HMCN2: variants seen among roughly 807,000 people sequenced by gnomAD.
The protein encoded by HMCN2 is hemicentin-2.
Under a neutral mutation model 377.5 loss-of-function variants are expected in HMCN2, and 325 were observed. That is an observed-to-expected ratio of 0.86 (90% CI 0.79 to 0.94). The LOEUF is 0.94. Among genes scored for constraint, HMCN2 ranks in the 40% least tolerant of loss-of-function variants. The pLI is 0.00. For missense variants in HMCN2, 4,543 were observed against 4,725.3 expected, an observed-to-expected ratio of 0.96 and a Z score of 1.13; for synonymous variants, 2,007 against 2,046.8, an observed-to-expected ratio of 0.98 and a Z score of 0.53.
At chr9:130,290,704 C>A (rs1376122827) in intron 4 of HMCN2, among the ~76,000 whole-genome samples, 1 of 152,088 alleles carries the variant, frequency 6.6e-6, no homozygotes, top group Non-Finnish European at 1.5e-5. Flanking sequence ...CAGGTGGGAC[C>A]TTTTCAAGAG....
rs909624560 is a variant in HMCN2 at position 130,369,390 on chromosome 9, G to A, written c.6788-180G>A. Among the ~76,000 whole-genome samples the A allele has an allele frequency of 2.6e-5, 4 of 152,236 alleles. No homozygotes were observed. The highest frequency in any genetic ancestry group is 9.6e-5 in the African/African-American group (4 of 41,458). On this transcript the variant is annotated intron_variant, in intron 44 of 97. Coordinates refer to ENST00000683500, the MANE Select transcript of HMCN2 (RefSeq NM_001291815.2). This position sits in a 1 kb window ranked among gnomAD's most constrained non-coding sequence, Gnocchi z 4.5. The stretch of plus-strand genomic sequence containing the variant: ...GCCTGCCTGTGACTCCCAGGCTGTA[G>A]TAGCAGTAGGGTGCTGTTATGACCC...
chr9:130,328,362 C>T (rs924404269), intron 22 of HMCN2, among the ~76,000 whole-genome samples: 16 of 152,124 alleles, frequency 1.1e-4, no homozygotes, highest in Admixed American at 2.6e-4. Flanking sequence ...CTAGAAAGCC[C>T]GGTCCTAGCT....
chr9:130,387,481 C>T (rs1241287438), intron 61 of HMCN2, among the ~76,000 whole-genome samples: 2 of 152,088 alleles, frequency 1.3e-5, no homozygotes, highest in Admixed American at 1.3e-4. Context: ...GTGTCCTGGC[C>T]CACAGGAAGC....
In HMCN2 at chr9:130,379,288, C is replaced by G. The variant is rs910187523; in HGVS notation, c.8252C>G (p.Ala2751Gly). ...CAGAAGGTGGGTGATTTCAGTGCAG[C>G]CTTCGAGATCCTGTCCCGGGAGGAG... is the stretch of plus-strand genomic sequence containing the variant. ...MFQKVGDFSA[A>G]FEILSREEEA... Residue 2751 changes from alanine (A) to glycine (G), a missense_variant, in exon 54 of 98, where the codon GCC becomes GGC. Transcript: ENST00000683500. The G allele has an allele frequency of 1.0e-6, 1 of 985,746 alleles. No homozygotes were observed. Among genetic ancestry groups the G allele is most frequent in the African/African-American group, 1.7e-5 (1 of 57,288 alleles). 61.1% of individuals were successfully genotyped at this position (985,746 alleles called of 1,614,324 possible).
rs1837368102 is a variant in HMCN2, at chr9:130,313,383, GATTA to G, written c.2350+3323_2350+3326del. Reference sequence around the variant, plus strand: ...TGGACCAGCCTGCGAGGCACTGGTGGATTACCTTCCGAGCCTGGCATCTGCCAGT... The same window carrying G: ...TGGACCAGCCTGCGAGGCACTGGTGGCCTTCCGAGCCTGGCATCTGCCAGT... On this transcript the variant is annotated intron_variant, in intron 15 of 97. Transcript: ENST00000683500. Among the ~76,000 whole-genome samples the G allele has an allele frequency of 4.2e-3, 631 of 151,794 alleles. 1 individual carries two copies. Among genetic ancestry groups the G allele is most frequent in the Middle Eastern group, 6.8e-3 (2 of 294 alleles).
Position 130,357,956 on chromosome 9 carries a change from G to A in HMCN2, c.5548G>A (p.Val1850Ile). 1 of 1,304,170 alleles carries A rather than the reference G, an allele frequency of 7.7e-7. No individual in the cohort carries two copies. Among genetic ancestry groups the A allele is most frequent in the Admixed American group, 2.3e-5 (1 of 43,564 alleles). The allele number at this position is 1,304,170 out of a possible 1,614,324, so 80.8% of individuals were successfully genotyped here. A position where few individuals can be genotyped will look rare whatever the true frequency, so the allele number is the denominator to read the frequency against. ...AAGCCTCCGTTGGTGGAAGGATGGT[G>A]TAGCCCTGGCAGCCTTTGGGGGGAA... ...TPSLRWWKDG[V>I]ALAAFGGNLQ... Residue 1850 changes from valine (V) to isoleucine (I), a missense_variant, in exon 35 of 98, where the codon GTA becomes ATA. Val to Ile is a conservative substitution (Grantham distance 29). Coordinates refer to ENST00000683500, the MANE Select transcript of HMCN2 (RefSeq NM_001291815.2).
In HMCN2 at chr9:130,348,537, C is replaced by T. The variant is rs1423398242; in HGVS notation, c.4025-8C>T. The T allele has an allele frequency of 1.5e-6, 2 of 1,303,322 alleles. No homozygotes were observed. Among genetic ancestry groups the T allele is most frequent in the African/African-American group, 3.0e-5 (2 of 65,882 alleles). The allele number at this position is 1,303,322 out of a possible 1,614,324, so 80.7% of individuals were successfully genotyped here. On this transcript the variant is annotated splice_polypyrimidine_tract_variant and splice_region_variant and intron_variant, in intron 26 of 97. Coordinates refer to ENST00000683500, the MANE Select transcript of HMCN2 (RefSeq NM_001291815.2). ...GGAAGCAGCTCCTCGGCTCTCCTTG[C>T]CCCCAAGTGCCCCCCAGCATCCGGG...
chr9:130,280,412 T>C (rs1295858888), intron 1 of HMCN2, among the ~76,000 whole-genome samples: 1 of 151,576 alleles, frequency 6.6e-6, no homozygotes, highest in African/African-American at 2.4e-5. Context: ...GACCTTGTGA[T>C]CCTCCCGCCT....
At chr9:130,404,311 C>A (rs1842985517) in intron 80 of HMCN2, among the ~76,000 whole-genome samples, 1 of 152,212 alleles carries the variant, frequency 6.6e-6, no homozygotes, top group Non-Finnish European at 1.5e-5. Flanking sequence ...CAGTGGCCAT[C>A]CCCGCCCGCA....
chr9:130,326,304 A>G lies in HMCN2; in HGVS notation c.3193+334A>G, dbSNP rs1284987719. Among the ~76,000 whole-genome samples, 3 of 152,112 alleles carry G rather than the reference A, an allele frequency of 2.0e-5. No individual in the cohort carries two copies. The East Asian group carries it at 5.8e-4, about 29-fold the overall frequency. ...AGATCTCAGCTCTCCCTGTTCCCCC[A>G]GGCTGGTCAAGTCACCTTGCTGTAA... is the stretch of plus-strand genomic sequence containing the variant. On this transcript the variant is annotated intron_variant, in intron 21 of 97. Coordinates refer to ENST00000683500, the MANE Select transcript of HMCN2 (RefSeq NM_001291815.2).
At chr9:130,408,669 C>T (rs756795439) in intron 83 of HMCN2, 74 bp from the exon 84 acceptor site, 31 of 1,142,704 alleles carry the variant, frequency 2.7e-5, no homozygotes, top group Non-Finnish European at 3.4e-5. Context: ...TTGGGCAGTC[C>T]TTTGGGGTTT....
At chr9:130,270,852 A>G (rs1588148689) in intron 1 of HMCN2, among the ~76,000 whole-genome samples, 1 of 148,560 alleles carries the variant, frequency 6.7e-6, no homozygotes, top group East Asian at 1.9e-4. Context: ...CAGGGGAATT[A>G]CATACATGAG....
chr9:130,320,604 C>T (rs1232845674), intron 17 of HMCN2, among the ~76,000 whole-genome samples, 153 bp downstream of exon 17: 4 of 152,194 alleles, frequency 2.6e-5, no homozygotes, highest in Admixed American at 6.5e-5. Context: ...AAGAGCAGCA[C>T]CTGTGCCCCT....
At chr9:130,368,922 G>A (rs1210702928) in intron 44 of HMCN2, among the ~76,000 whole-genome samples, 2 of 152,082 alleles carry the variant, frequency 1.3e-5, no homozygotes, top group East Asian at 3.9e-4. Context: ...ATGAGATTTG[G>A]GTGGGGACAC....
chr9:130,330,438 T>A (rs1328189405), intron 22 of HMCN2, among the ~76,000 whole-genome samples: 1 of 152,126 alleles, frequency 6.6e-6, no homozygotes, highest in Non-Finnish European at 1.5e-5. Context: ...CCCAGTGCAC[T>A]GAGGAGGAAA....
chr9:130,328,545 G>A (rs1315188411), intron 22 of HMCN2, among the ~76,000 whole-genome samples: 1 of 151,974 alleles, frequency 6.6e-6, no homozygotes. Context: ...GTTGTGTTGT[G>A]TTCCCTCTCC....
At chr9:130,366,467 ATTTTT>A (rs71499234) in intron 43 of HMCN2, among the ~76,000 whole-genome samples, 122 of 82,980 alleles carry the variant, frequency 1.5e-3, no homozygotes, top group African/African-American at 5.0e-3. Context: ...CACTTCACCA[ATTTTT>A]TTTTTTTTTT....
rs771070062 is a variant in HMCN2 at position 130,400,946 on chromosome 9, G to A, written c.11769G>A (p.Ser3923=). 2.0e-5 allele frequency: 26 copies of A among 1,284,800 alleles called. No individual in the cohort carries two copies. Among genetic ancestry groups the A allele is most frequent in the South Asian group, 2.5e-5 (2 of 80,082 alleles). The allele number at this position is 1,284,800 out of a possible 1,614,324, so 79.6% of individuals were successfully genotyped here. The part of the protein sequence containing the change: ...ARGSGYRVSP[S]GALEIGQALP... The stretch of plus-strand genomic sequence containing the variant: ...GGAGTGGCTATCGTGTCTCACCATC[G>A]GGTAAGTAAGGGTAAGCCACAGAGA... The change falls in exon 77 of 98, where the codon TCG becomes TCA. Residue 3923 remains serine, a splice_region_variant and synonymous_variant. Coordinates refer to ENST00000683500, the MANE Select transcript of HMCN2 (RefSeq NM_001291815.2).
At chr9:130,432,032 T>C (rs951388688) in intron 96 of HMCN2, among the ~76,000 whole-genome samples, 3 of 152,234 alleles carry the variant, frequency 2.0e-5, no homozygotes, top group African/African-American at 4.8e-5. Context: ...CATGCTGCCA[T>C]GGAGGTCACT....
Sources: allele counts gnomAD v4.1 joint callset (sites outside exome capture counted in the v4.1 genomes callset), GRCh38; gene constraint gnomAD v4.1.1; non-coding constraint Gnocchi (gnomAD v3.1); transcripts MANE v1.5; gene names NCBI Gene and HGNC (gene_info 2026-07-23, HGNC 2026-07-21).